Variants in MPDZ observed in about 807,000 individuals in gnomAD.
The protein encoded by MPDZ is multiple PDZ domain protein.
A neutral mutation model predicts 239.1 loss-of-function variants in MPDZ; 234 were observed. That is an observed-to-expected ratio of 0.98 (90% confidence interval 0.88 to 1.09). The LOEUF is 1.09. Ranked by LOEUF, MPDZ falls within the 50% of genes least tolerant of loss-of-function variation. MPDZ has a pLI of 0.00. For missense variants in MPDZ, 3,175 were observed against 2,510.0 expected, an observed-to-expected ratio of 1.26 and a Z score of -5.66; for synonymous variants, 1,048 against 881.3, an observed-to-expected ratio of 1.19 and a Z score of -3.35.
At position 13,236,267 on chromosome 9, in the gene MPDZ, ATTTTT is replaced by A. The variant is rs1158772302; in HGVS notation, c.183+11363_183+11367del. On this transcript the variant is annotated intron_variant, in intron 3 of 46. Coordinates refer to ENST00000319217, the MANE Select transcript of MPDZ (RefSeq NM_001378778.1). ...TGTGTGTGTATATATATATATATAT[ATTTTT>A]TTTTTTTTTTTTTTTTTTTTTTGAG... Among the ~76,000 whole-genome samples the A allele has an allele frequency of 2.2e-3, 45 of 20,088 alleles. 3 individuals carry two copies. The highest frequency in any genetic ancestry group is 7.9e-3 in the East Asian group (3 of 378). The allele number at this position is 20,088 out of a possible 152,430, so 13.2% of individuals were successfully genotyped here. A position where few individuals can be genotyped will look rare whatever the true frequency, so the allele number is the denominator to read the frequency against.
chr9:13,206,215 T>A, intron 10 of MPDZ, 116 bp from the exon 11 acceptor site: 1 of 967,998 alleles, frequency 1.0e-6, no homozygotes, highest in East Asian at 2.7e-5. Flanking sequence ...AGAATAAGTA[T>A]TCACCTTATC....
intron 24 of MPDZ, among the ~76,000 whole-genome samples, chr9:13,157,049 A>G (rs944427746): frequency 2.0e-5 from 3 of 152,092 alleles, no homozygotes; most frequent in Non-Finnish European, 4.4e-5. Flanking sequence ...TGTTTTTTAT[A>G]TTTTAAAAAT....
In MPDZ at chr9:13,106,376, G is replaced by C. The variant is rs937539813; in HGVS notation, c.*589C>G. 1.8e-4 allele frequency: 28 copies of C among 151,840 alleles called. No homozygotes were observed. The highest frequency in any genetic ancestry group is 6.5e-4 in the African/African-American group (27 of 41,308). 9.4% of individuals were successfully genotyped at this position (151,840 alleles called of 1,614,324 possible). A position where few individuals can be genotyped will look rare whatever the true frequency, so the allele number is the denominator to read the frequency against. On this transcript the variant is annotated 3_prime_UTR_variant, in exon 47 of 47. Coordinates refer to ENST00000319217, the MANE Select transcript of MPDZ (RefSeq NM_001378778.1). ...TCAATTGTAGAAACCAATTTTAGCAGGAAAAATATATATGCATATTAGAGG... is the reference window on the plus strand; with the variant it reads ...TCAATTGTAGAAACCAATTTTAGCACGAAAAATATATATGCATATTAGAGG...
intron 19 of MPDZ, among the ~76,000 whole-genome samples, chr9:13,177,929 T>C (rs891422397): frequency 6.6e-6 from 1 of 152,192 alleles, no homozygotes; most frequent in African/African-American, 2.4e-5. Context: ...ATATTCACTA[T>C]GAACCACTAG....
chr9:13,108,636 T>C (rs908161413), intron 46 of MPDZ, among the ~76,000 whole-genome samples: 7 of 152,152 alleles, frequency 4.6e-5, no homozygotes, highest in Non-Finnish European at 1.0e-4. Flanking sequence ...AAGACGATCA[T>C]GTGCAATTTG....
chr9:13,119,149 C>G (rs1429855668), intron 39 of MPDZ, among the ~76,000 whole-genome samples: 4 of 152,090 alleles, frequency 2.6e-5, no homozygotes, highest in Non-Finnish European at 2.9e-5. Flanking sequence ...TTTCTGTCAC[C>G]TAAGCTGGAA....
At chr9:13,119,779 G>C in intron 38 of MPDZ, 130 bp from the exon 39 acceptor site, 1 of 929,908 alleles carries the variant, frequency 1.1e-6, no homozygotes, top group Non-Finnish European at 1.7e-6. Flanking sequence ...GTTATTTGGA[G>C]CAACACTGGG....
chr9:13,233,609 TG>T (rs1477385009), intron 3 of MPDZ, among the ~76,000 whole-genome samples: 1 of 152,118 alleles, frequency 6.6e-6, no homozygotes, highest in African/African-American at 2.4e-5. Flanking sequence ...AAAAAATCCT[TG>T]GGCACACTTT....
chr9:13,199,403 G>A (rs1956113849), intron 12 of MPDZ, among the ~76,000 whole-genome samples: 1 of 151,882 alleles, frequency 6.6e-6, no homozygotes, highest in South Asian at 2.1e-4. Flanking sequence ...CATTTTTGGT[G>A]AACTCCTTAG....
chr9:13,193,083 T>G (rs989698577), intron 14 of MPDZ, 84 bp downstream of exon 14: 16 of 1,259,648 alleles, frequency 1.3e-5, no homozygotes, highest in Non-Finnish European at 1.6e-5. Context: ...AAATTTAAAA[T>G]GAGAATTTAT....
intron 35 of MPDZ, 70 bp from the exon 36 acceptor site, chr9:13,123,368 A>T: frequency 3.0e-6 from 4 of 1,349,752 alleles, no homozygotes; most frequent in Non-Finnish European, 3.1e-6. Flanking sequence ...AACTCATCAC[A>T]CAGATTGACT....
In MPDZ at chr9:13,186,288, G is replaced by A. The variant is rs1166190967; in HGVS notation, c.2463C>T (p.Phe821=). 2 of 1,589,956 alleles carry A rather than the reference G, an allele frequency of 1.3e-6. No individual in the cohort carries two copies. Among genetic ancestry groups the A allele is most frequent in the African/African-American group, 1.3e-5 (1 of 74,382 alleles). Residue 821 remains phenylalanine, a synonymous_variant, in exon 18 of 47, where the codon TTC becomes TTT. Coordinates refer to ENST00000319217, the MANE Select transcript of MPDZ (RefSeq NM_001378778.1). Reference sequence around the variant, plus strand: ...CACTAACCAGAGCCAAGTCAGCCCTGAAGAGGGGTTTGTCAGCCAGCCCTG... The same window carrying A: ...CACTAACCAGAGCCAAGTCAGCCCTAAAGAGGGGTTTGTCAGCCAGCCCTG... ...EEAGLADKPL[F]RADLALVGTN... is the part of the protein sequence containing the mutation.
intron 43 of MPDZ, among the ~76,000 whole-genome samples, chr9:13,111,711 T>C (rs960405511): frequency 1.3e-5 from 2 of 152,192 alleles, no homozygotes; most frequent in African/African-American, 4.8e-5. Context: ...AAGATAAAAA[T>C]TTCACTTCAT....
chr9:13,116,489 T>A (rs751626793), intron 39 of MPDZ, among the ~76,000 whole-genome samples: 1 of 152,184 alleles, frequency 6.6e-6, no homozygotes, highest in African/African-American at 2.4e-5. Context: ...TCTGAAGATG[T>A]TGATCATGAA....
At chr9:13,240,395 T>G (rs1965094229) in intron 3 of MPDZ, among the ~76,000 whole-genome samples, 1 of 151,798 alleles carries the variant, frequency 6.6e-6, no homozygotes, top group African/African-American at 2.4e-5. Flanking sequence ...TTAAAAAGAA[T>G]CTATGATTAA....
At chr9:13,270,924 GATCT>G (rs1357864754) in intron 1 of MPDZ, among the ~76,000 whole-genome samples, 1 of 152,152 alleles carries the variant, frequency 6.6e-6, no homozygotes, top group Admixed American at 6.5e-5. Flanking sequence ...AGGAGTGACA[GATCT>G]ATCAAACATG....
intron 41 of MPDZ, among the ~76,000 whole-genome samples, chr9:13,113,441 G>A (rs1238683088): frequency 6.6e-6 from 1 of 152,082 alleles, no homozygotes; most frequent in Non-Finnish European, 1.5e-5. Flanking sequence ...TAGTCATACT[G>A]CAAACAGAGA....
At chr9:13,140,223 A>G (rs902193458) in intron 27 of MPDZ, 74 bp from the exon 28 acceptor site, 1 of 1,471,460 alleles carries the variant, frequency 6.8e-7, no homozygotes, top group African/African-American at 1.4e-5. Context: ...AAATAAGAGT[A>G]TACTGTCAAA....
At chr9:13,114,082 C>A in intron 40 of MPDZ, 61 bp from the exon 41 acceptor site, 1 of 1,257,510 alleles carries the variant, frequency 8.0e-7, no homozygotes, top group Non-Finnish European at 1.1e-6. Flanking sequence ...CTAAATACCA[C>A]TTATTTCAGA....
Sources: gnomAD v4.1 joint callset for allele counts (sites outside exome capture counted in the v4.1 genomes callset) on GRCh38, gnomAD v4.1.1 for gene constraint, MANE v1.5 for transcripts, NCBI Gene and HGNC (gene_info 2026-07-23, HGNC 2026-07-21) for gene names.